Variants in RASA3 observed in about 807,000 individuals in gnomAD.
RASA3 encodes the protein ras GTPase-activating protein 3.
A neutral mutation model predicts 110.0 loss-of-function variants in RASA3; 73 were observed. The observed-to-expected ratio is 0.66, with a 90% CI of 0.55 to 0.81. The LOEUF (loss-of-function observed/expected upper bound fraction) is 0.81, where lower values mean the gene tolerates loss of function less well. Among genes scored for constraint, RASA3 ranks in the 30% least tolerant of loss-of-function variants. The pLI, the probability that RASA3 is intolerant of heterozygous loss-of-function variation, is 0.00. For synonymous variants in RASA3, 500 were observed against 451.4 expected, an observed-to-expected ratio of 1.11 and a Z score of -1.37; for missense variants, 976 against 1,113.2, an observed-to-expected ratio of 0.88 and a Z score of 1.75.
chr13:114,064,765 G>A (rs2079417215), intron 2 of RASA3, among the ~76,000 whole-genome samples: 1 of 152,210 alleles, frequency 6.6e-6, no homozygotes, highest in Non-Finnish European at 1.5e-5. Context: ...TGGACAGGCC[G>A]GCTTTGTCTC....
chr13:114,016,402 CG>C (rs1182189246), intron 12 of RASA3, 131 bp from the exon 13 acceptor site: 2 of 699,868 alleles, frequency 2.9e-6, no homozygotes, highest in Non-Finnish European at 5.1e-6. Flanking sequence ...GACAGCTCCC[CG>C]AACCCGGCCA....
At chr13:114,019,676 A>C (rs963811883) in intron 9 of RASA3, among the ~76,000 whole-genome samples, 2 of 98,432 alleles carry the variant, frequency 2.0e-5, no homozygotes, top group Non-Finnish European at 4.1e-5. Flanking sequence ...CCCCCCTCAG[A>C]TGGATAGAGC....
chr13:114,116,343 C>A (rs977991535), intron 1 of RASA3, among the ~76,000 whole-genome samples: 3 of 152,088 alleles, frequency 2.0e-5, no homozygotes, highest in African/African-American at 7.2e-5. Flanking sequence ...CCTAGAGACC[C>A]CCATCCCTAC....
At position 114,011,902 on chromosome 13, in the gene RASA3, C is replaced by T. The variant is rs2053643870; in HGVS notation, c.1513-654G>A. The stretch of plus-strand genomic sequence containing the variant: ...GTACCACTGCACGCCAGCCTGGTGA[C>T]AGAGCAAGACTCTGTCTCAAAAAAA... On this transcript the variant is annotated intron_variant, in intron 15 of 23. Coordinates refer to ENST00000334062, the MANE Select transcript of RASA3 (RefSeq NM_007368.4). This position sits in a 1 kb window ranked among gnomAD's most constrained non-coding sequence, Gnocchi z 4.8. 6.6e-6 allele frequency among the ~76,000 whole-genome samples: 1 copy of T among 151,902 alleles called. No individual in the cohort carries two copies. The highest frequency in any genetic ancestry group is 2.1e-4 in the South Asian group (1 of 4,814).
intron 1 of RASA3, among the ~76,000 whole-genome samples, chr13:114,078,904 G>C (rs1260238490): frequency 6.6e-6 from 1 of 152,220 alleles, no homozygotes; most frequent in Non-Finnish European, 1.5e-5. Context: ...CCACACCCCT[G>C]TACCCAGGAG....
intron 2 of RASA3, among the ~76,000 whole-genome samples, chr13:114,073,486 C>T (rs9525384): frequency 4.9e-4 from 13 of 26,766 alleles, no homozygotes; most frequent in Admixed American, 2.2e-3. Context: ...GCTTGGGACA[C>T]TGTCTACACA....
intron 2 of RASA3, among the ~76,000 whole-genome samples, chr13:114,071,420 T>A (rs2079570835): frequency 6.6e-6 from 1 of 152,160 alleles, no homozygotes; most frequent in Admixed American, 6.5e-5. Context: ...TCTGAGAGGA[T>A]CCCGGCCTGA....
At chr13:114,107,178 A>G (rs562601340) in intron 1 of RASA3, among the ~76,000 whole-genome samples, 1 of 152,206 alleles carries the variant, frequency 6.6e-6, no homozygotes, top group African/African-American at 2.4e-5. Context: ...CTCACGGGGT[A>G]CGTGGCCTGT....
chr13:113,991,482 C>T lies in RASA3; in HGVS notation c.2245+1003G>A, dbSNP rs144868940. On this transcript the variant is annotated intron_variant, in intron 22 of 23. Transcript: ENST00000334062. The stretch of plus-strand genomic sequence containing the variant: ...GTCATATGATCTCCAAGAGCAGATC[C>T]GAGTTCTACCAGACACTGGCATAGA... 4.4e-3 allele frequency among the ~76,000 whole-genome samples: 673 copies of T among 152,306 alleles called. 3 individuals carry two copies. The highest frequency in any genetic ancestry group is 0.015 in the African/African-American group (631 of 41,554).
rs374037562 is a variant in RASA3, at chr13:114,011,495, G to C, written c.1513-247C>G. The stretch of plus-strand genomic sequence containing the variant: ...CGCGGTGACCCACTCTCTCGGCCCA[G>C]CGTGCAGGGTGCATCTCAAAGTCGA... On this transcript the variant is annotated intron_variant, in intron 15 of 23. Coordinates refer to ENST00000334062, the MANE Select transcript of RASA3 (RefSeq NM_007368.4). The surrounding 1 kb of genome is among the most constrained non-coding windows in gnomAD (Gnocchi z 4.8). Among the ~76,000 whole-genome samples the C allele has an allele frequency of 1.7e-4, 26 of 152,246 alleles. No homozygotes were observed. The highest frequency in any genetic ancestry group is 5.5e-4 in the African/African-American group (23 of 41,536).
Position 114,112,966 on chromosome 13 carries a change from G to A in RASA3, c.55+19469C>T, listed in dbSNP as rs1354186600. On this transcript the variant is annotated intron_variant, in intron 1 of 23. Coordinates refer to ENST00000334062, the MANE Select transcript of RASA3 (RefSeq NM_007368.4). The surrounding 1 kb of genome is among the most constrained non-coding windows in gnomAD (Gnocchi z 4.8). ...GACTAGGAGGCACTAAAGGCCTGGG[G>A]GCTCAGAGAAAGGCCCAGCCCATCC... Among the ~76,000 whole-genome samples the A allele has an allele frequency of 6.6e-6, 1 of 152,122 alleles. No homozygotes were observed. The highest frequency in any genetic ancestry group is 1.5e-5 in the Non-Finnish European group (1 of 68,008).
chr13:114,021,955 C>G (rs1447309453), intron 8 of RASA3, among the ~76,000 whole-genome samples: 3 of 152,106 alleles, frequency 2.0e-5, no homozygotes, highest in Non-Finnish European at 4.4e-5. Flanking sequence ...CTGTGTGCAC[C>G]CAGGAGCTAT....
intron 1 of RASA3, among the ~76,000 whole-genome samples, chr13:114,127,922 A>T (rs753771099): frequency 3.5e-4 from 53 of 152,006 alleles, no homozygotes; most frequent in Non-Finnish European, 6.8e-4. Flanking sequence ...CATGGAAACG[A>T]CGCCCTTAGC....
At chr13:114,018,962 C>G in intron 9 of RASA3, 43 bp from the exon 10 acceptor site, 1 of 1,609,684 alleles carries the variant, frequency 6.2e-7, no homozygotes, top group Non-Finnish European at 8.5e-7. Context: ...GAGGCTGCAT[C>G]TGCCAAGGAG....
intron 1 of RASA3, among the ~76,000 whole-genome samples, chr13:114,100,261 C>T (rs2080039362): frequency 1.3e-5 from 2 of 151,978 alleles, no homozygotes; most frequent in South Asian, 2.1e-4. Flanking sequence ...GTGCCAGCAC[C>T]AGCGGCTGCC....
In RASA3 at chr13:113,992,509, T is replaced by G. The variant is rs779679620; in HGVS notation, c.2221A>C (p.Met741Leu). 2.5e-6 allele frequency: 4 copies of G among 1,613,486 alleles called. No homozygotes were observed. In the South Asian group the frequency reaches 3.3e-5, roughly 13 times the overall value. Residue 741 changes from methionine to leucine, a missense_variant, in exon 22 of 24, where the codon ATG (methionine) becomes CTG (leucine). By Grantham distance (15) the Met-to-Leu change is conservative (BLOSUM62 2). This residue lies in a region of RASA3 where 132 missense variants were observed against 152.8 expected (regional missense o/e 0.86). Coordinates refer to ENST00000334062, the MANE Select transcript of RASA3 (RefSeq NM_007368.4). Reference sequence around the variant, plus strand: ...CCCTGCATCTTCTCCAGCTTGCTCATGTACAAGTTGAAGAGGGAGTAGATA... The same window carrying G: ...CCCTGCATCTTCTCCAGCTTGCTCAGGTACAAGTTGAAGAGGGAGTAGATA... ...ERIYSLFNLY[M>L]SKLEKMQEAC...
chr13:113,993,756 C>T (rs865875541), intron 21 of RASA3, among the ~76,000 whole-genome samples: 20 of 137,136 alleles, frequency 1.5e-4, no homozygotes, highest in South Asian at 2.2e-4. Flanking sequence ...TGCAGTGAGC[C>T]GAAATCACAC....
rs571643284 is a variant in RASA3, at chr13:114,009,258, C to G, written c.1668+129G>C. 63 of 745,564 alleles carry G rather than the reference C, an allele frequency of 8.4e-5. No individual in the cohort carries two copies. In the South Asian group the frequency reaches 1.0e-3, roughly 12 times the overall value. 46.2% of individuals were successfully genotyped at this position (745,564 alleles called of 1,614,324 possible). On this transcript the variant is annotated intron_variant, in intron 17 of 23. Coordinates refer to ENST00000334062, the MANE Select transcript of RASA3 (RefSeq NM_007368.4). Reference sequence around the variant, plus strand: ...TGTCTGGACAGCGCTGTGAATGCACCGAACGCCTTTATTGTTTAAAATCGC... The same window carrying G: ...TGTCTGGACAGCGCTGTGAATGCACGGAACGCCTTTATTGTTTAAAATCGC...
intron 2 of RASA3, among the ~76,000 whole-genome samples, chr13:114,067,072 G>GC (rs1361131097): frequency 6.8e-6 from 1 of 147,830 alleles, no homozygotes; most frequent in African/African-American, 2.5e-5. Context: ...CTGAGGACAG[G>GC]CCCCCCAACC....
Sources: allele counts gnomAD v4.1 joint callset (sites outside exome capture counted in the v4.1 genomes callset), GRCh38; gene constraint gnomAD v4.1.1; regional missense constraint gnomAD v4.1.1; non-coding constraint Gnocchi (gnomAD v3.1); transcripts MANE v1.5; gene names NCBI Gene and HGNC (gene_info 2026-07-23, HGNC 2026-07-21).